C4orf36: variants seen among roughly 807,000 people sequenced by gnomAD.
C4orf36 encodes uncharacterized protein C4orf36.
C4orf36 carries 11 observed loss-of-function variants against 12.2 expected under a neutral mutation model. The ratio of observed to expected loss-of-function variants is 0.90; its 90% confidence interval spans 0.57 to 1.49. The LOEUF (loss-of-function observed/expected upper bound fraction) is 1.49, where lower values mean the gene tolerates loss of function less well. C4orf36 is among the 40% of genes most tolerant of loss of function. The pLI is 0.00. For missense variants in C4orf36, 137 were observed against 133.9 expected (o/e 1.02, Z -0.11); for synonymous variants, 54 against 51.3 (o/e 1.05, Z -0.22).
the C4orf36 span, among the ~76,000 whole-genome samples, chr4:86,912,402 C>A: frequency 4.0e-3 from 604 of 152,334 alleles, 5 homozygotes; most frequent in African/African-American, 0.014. Flanking sequence ...GCCCATACAT[C>A]ATTTAGCTAG....
At chr4:86,901,049 ATC>A in the C4orf36 span, among the ~76,000 whole-genome samples, 1 of 151,226 alleles carries the variant, frequency 6.6e-6, no homozygotes, top group African/African-American at 2.4e-5. Flanking sequence ...CAGCAGTGCA[ATC>A]TCGGCTCACC....
intron 4 of C4orf36, among the ~76,000 whole-genome samples, chr4:86,885,095 C>T (rs1578775841): frequency 6.6e-6 from 1 of 152,286 alleles, no homozygotes; most frequent in East Asian, 1.9e-4. Flanking sequence ...GTTTTGGTTA[C>T]TGTAGCCTTG....
chr4:86,903,584 G>A, the C4orf36 span, among the ~76,000 whole-genome samples: 5 of 152,272 alleles, frequency 3.3e-5, no homozygotes, highest in South Asian at 1.0e-3. Flanking sequence ...TAAAGGTGGC[G>A]CAGGCCCAAA....
In C4orf36 at chr4:86,876,725, G is replaced by T. The variant is rs147620210; in HGVS notation, c.*3-282C>A. Reference sequence around the variant, plus strand: ...GTGATCTTTACTATTCAGAATTTAGGAAAGTTCTCTGGCTGTTGCATCCAA... The same window carrying T: ...GTGATCTTTACTATTCAGAATTTAGTAAAGTTCTCTGGCTGTTGCATCCAA... On this transcript the variant is annotated intron_variant, in intron 4 of 4. Transcript: ENST00000295898. 1,977 of 1,552,038 alleles carry T rather than the reference G, an allele frequency of 1.3e-3. 60 individuals are homozygous for T. The Admixed American group carries it at 0.036, about 29-fold the overall frequency.
the C4orf36 span, among the ~76,000 whole-genome samples, chr4:86,909,487 A>G: frequency 6.6e-6 from 1 of 152,238 alleles, no homozygotes; most frequent in Non-Finnish European, 1.5e-5. Flanking sequence ...CAGTGACCAC[A>G]GGCGCAACAA....
At chr4:86,913,279 G>A in the C4orf36 span, 1 of 637,512 alleles carries the variant, frequency 1.6e-6, no homozygotes, top group Non-Finnish European at 2.9e-6. Flanking sequence ...CTGGATGGAA[G>A]ACTCGAGAGT....
At chr4:86,904,909 T>C in the C4orf36 span, among the ~76,000 whole-genome samples, 2 of 152,074 alleles carry the variant, frequency 1.3e-5, no homozygotes, top group Non-Finnish European at 2.9e-5. Flanking sequence ...AATGTAATTA[T>C]ATTTGAAGAT....
At chr4:86,891,694 G>T (rs1370525363) in intron 1 of C4orf36, 101 bp from the exon 2 acceptor site, 2 of 1,130,538 alleles carry the variant, frequency 1.8e-6, no homozygotes, top group Non-Finnish European at 2.4e-6. Flanking sequence ...CTTAATAAGT[G>T]TTCATTGAAC....
the C4orf36 span, chr4:86,924,782 G>A: frequency 6.6e-6 from 1 of 152,212 alleles, no homozygotes; most frequent in African/African-American, 2.4e-5. Flanking sequence ...TAATTTAAGT[G>A]GTAACATATT....
At chr4:86,933,469 A>T in the C4orf36 span, 9 of 152,234 alleles carry the variant, frequency 5.9e-5, no homozygotes, top group Non-Finnish European at 8.8e-5. Context: ...AGGCAGGAAA[A>T]TAAAATGATC....
At chr4:86,927,314 G>A in the C4orf36 span, among the ~76,000 whole-genome samples, 2 of 151,982 alleles carry the variant, frequency 1.3e-5, no homozygotes, top group Admixed American at 1.3e-4. Flanking sequence ...AACCCAGCAT[G>A]GGCCACATAG....
the C4orf36 span, among the ~76,000 whole-genome samples, chr4:86,919,157 T>C: frequency 6.7e-6 from 1 of 149,244 alleles, no homozygotes; most frequent in Non-Finnish European, 1.5e-5. Flanking sequence ...AGAAATCCTT[T>C]TCTCTCCTTT....
At chr4:86,880,615 C>T (rs1252671829) in intron 4 of C4orf36, among the ~76,000 whole-genome samples, 1 of 152,164 alleles carries the variant, frequency 6.6e-6, no homozygotes, top group Admixed American at 6.5e-5. Context: ...TGAGGAGGTT[C>T]GTTACCACTA....
At position 86,891,295 on chromosome 4, in the gene C4orf36, A is replaced by C. The variant is rs1261706108; in HGVS notation, c.65+161T>G. Among the ~76,000 whole-genome samples, 11 of 30,048 alleles carry C rather than the reference A, an allele frequency of 3.7e-4. 1 individual carries two copies. In the East Asian group the frequency reaches 0.011, roughly 29 times the overall value. The allele number at this position is 30,048 out of a possible 152,430, so 19.7% of individuals were successfully genotyped here. ...AATTAACTTATAAAAGCAGTTGCCA[A>C]AAAAAAAAAAAAAAAAAATCAGATC... On this transcript the variant is annotated intron_variant, in intron 2 of 4. Transcript: ENST00000295898.
the C4orf36 span, chr4:86,914,383 T>C: frequency 1.0e-6 from 1 of 981,648 alleles, no homozygotes; most frequent in South Asian, 1.5e-5. Context: ...CTCCCGTTCT[T>C]CTTCTTCCTT....
intron 4 of C4orf36, among the ~76,000 whole-genome samples, chr4:86,879,233 AC>A (rs1472024906): frequency 6.6e-6 from 1 of 152,198 alleles, no homozygotes; most frequent in Non-Finnish European, 1.5e-5. Context: ...CCTATGATTT[AC>A]CTGACAAAGG....
chr4:86,919,987 C>G, the C4orf36 span, among the ~76,000 whole-genome samples: 1 of 152,160 alleles, frequency 6.6e-6, no homozygotes, highest in African/African-American at 2.4e-5. Context: ...TATGATCACA[C>G]CACTGCATTC....
At chr4:86,903,725 CAT>C in the C4orf36 span, among the ~76,000 whole-genome samples, 1 of 152,342 alleles carries the variant, frequency 6.6e-6, no homozygotes, top group Non-Finnish European at 1.5e-5. Context: ...ACCCTACCCA[CAT>C]CCTGCTGATT....
chr4:86,900,714 A>G, the C4orf36 span, among the ~76,000 whole-genome samples: 1 of 151,836 alleles, frequency 6.6e-6, no homozygotes, highest in Non-Finnish European at 1.5e-5. Context: ...CTGCCCGCCC[A>G]TGATGCCTGA....
Sources: allele counts gnomAD v4.1 joint callset (sites outside exome capture counted in the v4.1 genomes callset), GRCh38; gene constraint gnomAD v4.1.1; transcripts MANE v1.5; gene names NCBI Gene and HGNC (gene_info 2026-07-23, HGNC 2026-07-21).